Variants in LRBA observed in about 807,000 individuals in gnomAD.
The protein encoded by LRBA is lipopolysaccharide-responsive and beige-like anchor protein.
Under a neutral mutation model 330.0 loss-of-function variants are expected in LRBA, and 176 were observed. The observed-to-expected ratio is 0.53, with a 90% CI of 0.47 to 0.60. The LOEUF (loss-of-function observed/expected upper bound fraction) is 0.60. Ranked by LOEUF, LRBA falls within the 20% of genes least tolerant of loss-of-function variation. The probability of loss-of-function intolerance (pLI) is 0.00; values close to 1 mark genes in which losing one functional copy is unlikely to be tolerated. For synonymous variants in LRBA, 1,230 were observed against 1,193.0 expected, an observed-to-expected ratio of 1.03 and a Z score of -0.64; for missense variants, 3,259 against 3,444.8, an observed-to-expected ratio of 0.95 and a Z score of 1.35.
intron 40 of LRBA, among the ~76,000 whole-genome samples, chr4:150,559,692 TATATTA>T: frequency 1.1e-5 from 1 of 90,144 alleles, no homozygotes; most frequent in Non-Finnish European, 2.0e-5. Context: ...TATTATATTA[TATATTA>T]TATATTATAT....
chr4:150,294,212 T>C (rs1728687123), intron 53 of LRBA, among the ~76,000 whole-genome samples: 2 of 152,226 alleles, frequency 1.3e-5, no homozygotes, highest in Non-Finnish European at 2.9e-5. Flanking sequence ...TAAATGTATA[T>C]TTGAAAAATA....
At chr4:150,666,700 G>A (rs746709510) in intron 37 of LRBA, among the ~76,000 whole-genome samples, 13 of 151,938 alleles carry the variant, frequency 8.6e-5, no homozygotes, top group Non-Finnish European at 1.6e-4. Context: ...GTATTCATGC[G>A]GGCCCTGCAA....
At chr4:150,275,718 A>T (rs1423677882) in intron 56 of LRBA, among the ~76,000 whole-genome samples, 1 of 152,224 alleles carries the variant, frequency 6.6e-6, no homozygotes, top group Non-Finnish European at 1.5e-5. Context: ...TCTAACTTAC[A>T]AGGGATGTGA....
intron 36 of LRBA, among the ~76,000 whole-genome samples, chr4:150,701,396 C>A (rs1785106643): frequency 6.6e-6 from 1 of 151,092 alleles, no homozygotes; most frequent in Admixed American, 6.6e-5. Context: ...AATATCATTA[C>A]CAAGTATTAT....
chr4:150,357,292 T>C (rs1737985623), intron 47 of LRBA, among the ~76,000 whole-genome samples: 1 of 152,002 alleles, frequency 6.6e-6, no homozygotes, highest in South Asian at 2.1e-4. Context: ...CGATTGTTAT[T>C]GTGTAGTTTT....
chr4:150,383,248 ATCTTT>A (rs748248596), intron 47 of LRBA, among the ~76,000 whole-genome samples: 171 of 152,034 alleles, frequency 1.1e-3, no homozygotes, highest in Non-Finnish European at 1.9e-3. Context: ...TTTTTAGTCA[ATCTTT>A]TCTTTTCTTT....
chr4:150,553,806 C>CA (rs1766937066), intron 40 of LRBA, among the ~76,000 whole-genome samples: 1 of 152,106 alleles, frequency 6.6e-6, no homozygotes, highest in African/African-American at 2.4e-5. Context: ...AGGATTATGA[C>CA]ATAGAATGGC....
chr4:150,661,704 G>A (rs984157098), intron 37 of LRBA, among the ~76,000 whole-genome samples: 2 of 151,942 alleles, frequency 1.3e-5, no homozygotes, highest in African/African-American at 2.4e-5. Flanking sequence ...TCTGCCTTGA[G>A]GGTTCATGTG....
intron 31 of LRBA, among the ~76,000 whole-genome samples, 170 bp from the exon 32 acceptor site, chr4:150,808,568 T>C (rs1046564872): frequency 2.6e-4 from 40 of 152,194 alleles, no homozygotes; most frequent in African/African-American, 9.4e-4. Context: ...TGCTTTCATA[T>C]ATAAACCTCA....
intron 46 of LRBA, among the ~76,000 whole-genome samples, chr4:150,427,776 A>C (rs1412242121): frequency 6.6e-6 from 1 of 152,078 alleles, no homozygotes; most frequent in East Asian, 1.9e-4. Context: ...ATCGAAGTTT[A>C]AGTTTTTTAA....
At chr4:150,865,119 A>C (rs962863636) in intron 22 of LRBA, among the ~76,000 whole-genome samples, 2 of 152,184 alleles carry the variant, frequency 1.3e-5, no homozygotes, top group Non-Finnish European at 2.9e-5. Flanking sequence ...GAAATCTCTG[A>C]AATCTACTCC....
intron 34 of LRBA, among the ~76,000 whole-genome samples, chr4:150,789,430 T>G (rs1739576015): frequency 1.3e-5 from 2 of 152,322 alleles, no homozygotes; most frequent in Middle Eastern, 3.4e-3. Flanking sequence ...GTGCAATTAC[T>G]CAAATAATCA....
At chr4:150,878,892 C>T (rs1228673602) in intron 17 of LRBA, among the ~76,000 whole-genome samples, 1 of 144,988 alleles carries the variant, frequency 6.9e-6, no homozygotes, top group Non-Finnish European at 1.5e-5. Flanking sequence ...TACCTACTAA[C>T]CAAAAAAATC....
chr4:150,763,882 T>C (rs575412801), intron 34 of LRBA, among the ~76,000 whole-genome samples: 1 of 151,958 alleles, frequency 6.6e-6, no homozygotes, highest in Non-Finnish European at 1.5e-5. Context: ...AACATAACCA[T>C]GACCTCTGTG....
intron 40 of LRBA, among the ~76,000 whole-genome samples, chr4:150,529,717 A>G (rs997309687): frequency 2.1e-5 from 3 of 143,716 alleles, no homozygotes; most frequent in Non-Finnish European, 4.5e-5. Context: ...GCGAGACTCC[A>G]TCTCAAAAAA....
At chr4:150,761,270 C>T (rs1283399958) in intron 35 of LRBA, among the ~76,000 whole-genome samples, 2 of 151,984 alleles carry the variant, frequency 1.3e-5, no homozygotes, top group Non-Finnish European at 2.9e-5. Context: ...TTCTTCCCTT[C>T]TCTTACCCAC....
chr4:150,906,218 A>G (rs1731320264), intron 12 of LRBA, 79 bp downstream of exon 12: 1 of 938,102 alleles, frequency 1.1e-6, no homozygotes, highest in East Asian at 2.4e-5. Flanking sequence ...TCTTGCAGAC[A>G]GAATTCCTTA....
rs181070556 is a variant in LRBA, at chr4:150,519,433, T to C, written c.6331-28398A>G. Among the ~76,000 whole-genome samples, 275 of 152,326 alleles carry C rather than the reference T, an allele frequency of 1.8e-3. 3 individuals are homozygous for C. The highest frequency in any genetic ancestry group is 0.015 in the South Asian group (73 of 4,830). On this transcript the variant is annotated intron_variant, in intron 40 of 56. Coordinates refer to ENST00000651943, the MANE Select transcript of LRBA (RefSeq NM_001364905.1). The stretch of plus-strand genomic sequence containing the variant: ...TTCATCTCTGATTAGTTTTGCCTAA[T>C]CTACGCATGATACACATGGAATCGT...
chr4:150,275,408 A>G (rs1382896810), intron 56 of LRBA, among the ~76,000 whole-genome samples: 1 of 152,222 alleles, frequency 6.6e-6, no homozygotes, highest in Non-Finnish European at 1.5e-5. Flanking sequence ...CCTATTCAAC[A>G]TAGTATTGGA....
Sources: gnomAD v4.1 joint callset for allele counts (sites outside exome capture counted in the v4.1 genomes callset) on GRCh38, gnomAD v4.1.1 for gene constraint, MANE v1.5 for transcripts, NCBI Gene and HGNC (gene_info 2026-07-23, HGNC 2026-07-21) for gene names.